The following RBFOX1 variants were observed in gnomAD, a reference collection of about 807,000 sequenced individuals.
RBFOX1 encodes RNA binding protein fox-1 homolog 1.
A neutral mutation model predicts 57.7 loss-of-function variants in RBFOX1; 8 were observed. The ratio of observed to expected loss-of-function variants is 0.14; its 90% confidence interval spans 0.08 to 0.25. The LOEUF is 0.25. Among genes scored for constraint, RBFOX1 ranks in the 10% least tolerant of loss-of-function variants. The pLI is 1.00. For synonymous variants in RBFOX1, 326 were observed against 222.4 expected (o/e 1.47, Z -4.15); for missense variants, 611 against 548.5 (o/e 1.11, Z -1.14).
intron 3 of RBFOX1, among the ~76,000 whole-genome samples, chr16:6,839,677 A>G (rs143837128): frequency 1.6e-3 from 242 of 152,266 alleles, no homozygotes; most frequent in African/African-American, 4.8e-3. Flanking sequence ...CCTATTTTTA[A>G]TTAAGATGCT....
At chr16:6,729,356 C>T (rs569811711) in intron 3 of RBFOX1, among the ~76,000 whole-genome samples, 1 of 152,166 alleles carries the variant, frequency 6.6e-6, no homozygotes, top group African/African-American at 2.4e-5. Context: ...AAATCTAATT[C>T]AGTCATTCAC....
intron 4 of RBFOX1, among the ~76,000 whole-genome samples, chr16:7,410,440 G>C (rs2098412377): frequency 6.6e-6 from 1 of 152,200 alleles, no homozygotes; most frequent in Admixed American, 6.5e-5. Flanking sequence ...CCAGCACTTT[G>C]GGAGGCCAAG....
intron 2 of RBFOX1, among the ~76,000 whole-genome samples, chr16:6,394,507 C>CT (rs35419519): frequency 0.48 from 72,636 of 150,170 alleles, 17,728 homozygotes; most frequent in Middle Eastern, 0.58. Flanking sequence ...GGGAAAATTG[C>CT]TTTTTTTTTG....
chr16:6,165,381 A>T (rs2096909704), intron 1 of RBFOX1, among the ~76,000 whole-genome samples: 1 of 152,178 alleles, frequency 6.6e-6, no homozygotes, highest in African/African-American at 2.4e-5. Context: ...CAGTCCTGTT[A>T]TCCACGTGGC....
chr16:5,266,793 A>G (rs961401413), intron 1 of RBFOX1, among the ~76,000 whole-genome samples: 5 of 151,952 alleles, frequency 3.3e-5, no homozygotes, highest in African/African-American at 1.2e-4. Flanking sequence ...TGTTGGGCTC[A>G]AGCAATCTGC....
chr16:5,682,108 A>G (rs1285024094), intron 3 of RBFOX1, among the ~76,000 whole-genome samples: 1 of 152,182 alleles, frequency 6.6e-6, no homozygotes, highest in Non-Finnish European at 1.5e-5. Context: ...TGGGTTTCAG[A>G]TTGCCGTTTC....
chr16:5,981,671 A>C (rs565790535), intron 4 of RBFOX1, among the ~76,000 whole-genome samples: 1 of 152,132 alleles, frequency 6.6e-6, no homozygotes, highest in Admixed American at 6.5e-5. Context: ...GTTTCACCAT[A>C]TTGGTCAGTC....
At chr16:5,253,755 C>T (rs893849152) in intron 1 of RBFOX1, among the ~76,000 whole-genome samples, 9 of 152,350 alleles carry the variant, frequency 5.9e-5, no homozygotes, top group South Asian at 2.1e-4. Flanking sequence ...CATTTGCTCT[C>T]TCTGGCCTCT....
At chr16:5,562,338 CT>C (rs2045917799) in intron 2 of RBFOX1, among the ~76,000 whole-genome samples, 1 of 152,142 alleles carries the variant, frequency 6.6e-6, no homozygotes, top group South Asian at 2.1e-4. Context: ...TGCCTGTTTC[CT>C]AGATATTGGA....
chr16:6,761,461 C>A (rs2076580710), intron 3 of RBFOX1, among the ~76,000 whole-genome samples: 1 of 144,466 alleles, frequency 6.9e-6, no homozygotes. Flanking sequence ...AGTTTTTAAA[C>A]ATACACTCCA....
chr16:5,910,550 G>A (rs1295738971), intron 4 of RBFOX1, among the ~76,000 whole-genome samples: 2 of 152,154 alleles, frequency 1.3e-5, no homozygotes, highest in South Asian at 2.1e-4. Flanking sequence ...AGCCCTTTTG[G>A]TTATTGGAGT....
chr16:5,760,198 AG>A (rs2053544095), intron 3 of RBFOX1, among the ~76,000 whole-genome samples: 1 of 152,158 alleles, frequency 6.6e-6, no homozygotes, highest in Non-Finnish European at 1.5e-5. Flanking sequence ...TATCATTGAA[AG>A]TCCCACATTC....
intron 10 of RBFOX1, among the ~76,000 whole-genome samples, chr16:7,622,163 C>A (rs902023942): frequency 1.3e-5 from 2 of 152,114 alleles, no homozygotes; most frequent in Non-Finnish European, 2.9e-5. Flanking sequence ...ATTGTTAGAA[C>A]CATGGGTCCA....
intron 1 of RBFOX1, chr16:6,057,079 G>GC (rs929552261): frequency 1.5e-5 from 2 of 136,044 alleles, no homozygotes; most frequent in Non-Finnish European, 3.3e-5. Context: ...GAACACAGGA[G>GC]GGGGGGGAAT....
chr16:7,656,185 G>A (rs74011952), intron 12 of RBFOX1, among the ~76,000 whole-genome samples: 2,549 of 152,274 alleles, frequency 0.017, 30 homozygotes, highest in South Asian at 0.032. Flanking sequence ...GACTAAGATT[G>A]CAAGCATTCA....
intron 3 of RBFOX1, among the ~76,000 whole-genome samples, chr16:5,664,431 C>G (rs2049764408): frequency 6.6e-6 from 1 of 152,052 alleles, no homozygotes; most frequent in Admixed American, 6.6e-5. Flanking sequence ...GCCTGTAGAG[C>G]CAGCTACTCG....
chr16:5,941,165 G>C (rs559777971), intron 4 of RBFOX1, among the ~76,000 whole-genome samples: 9 of 152,252 alleles, frequency 5.9e-5, no homozygotes, highest in South Asian at 2.1e-4. Context: ...TGGTGGTGTG[G>C]AGAAAGTCAC....
chr16:7,657,818 A>C (rs2066703133), intron 12 of RBFOX1, among the ~76,000 whole-genome samples: 1 of 152,034 alleles, frequency 6.6e-6, no homozygotes, highest in Admixed American at 6.6e-5. Context: ...CAAGTGGAAA[A>C]CCCTGTACCA....
At chr16:5,768,998 C>G (rs568965784) in intron 3 of RBFOX1, among the ~76,000 whole-genome samples, 1 of 151,442 alleles carries the variant, frequency 6.6e-6, no homozygotes, top group Non-Finnish European at 1.5e-5. Flanking sequence ...CTGCCTGGAG[C>G]ACCATTAGTG....
Sources: gnomAD v4.1 joint callset for allele counts (sites outside exome capture counted in the v4.1 genomes callset) on GRCh38, gnomAD v4.1.1 for gene constraint, MANE v1.5 for transcripts, NCBI Gene and HGNC (gene_info 2026-07-23, HGNC 2026-07-21) for gene names.